Variants in UBE2D2 observed in about 807,000 individuals in gnomAD.
UBE2D2 encodes the protein ubiquitin-conjugating enzyme E2 D2.
In UBE2D2, 2 loss-of-function variants were observed where a neutral mutation model predicts 24.2. The ratio of observed to expected loss-of-function variants is 0.08; its 90% CI spans 0.03 to 0.26. The LOEUF is 0.26. Among genes scored for constraint, UBE2D2 ranks in the 10% least tolerant of loss-of-function variants. UBE2D2 has a pLI of 1.00. For synonymous variants in UBE2D2, 58 were observed against 56.5 expected (o/e 1.03, Z -0.12); for missense variants, 44 against 177.6 (o/e 0.25, Z 4.28).
chr5:139,536,866 T>C (rs1752687638), intron 1 of UBE2D2, among the ~76,000 whole-genome samples: 1 of 152,122 alleles, frequency 6.6e-6, no homozygotes, highest in South Asian at 2.1e-4. Flanking sequence ...ATACACAGTA[T>C]TATTATCATG....
intron 1 of UBE2D2, among the ~76,000 whole-genome samples, chr5:139,595,819 C>T (rs941768272): frequency 6.6e-6 from 1 of 151,548 alleles, no homozygotes; most frequent in Non-Finnish European, 1.5e-5. Context: ...CTCATTCTCA[C>T]CCCTAAGCTT....
At chr5:139,528,897 C>G (rs558728572) in intron 1 of UBE2D2, among the ~76,000 whole-genome samples, 1 of 152,260 alleles carries the variant, frequency 6.6e-6, no homozygotes, top group African/African-American at 2.4e-5. Flanking sequence ...GCTTCGCCAA[C>G]CCCTGCAAAG....
chr5:139,575,768 A>G (rs1289032030), intron 1 of UBE2D2, among the ~76,000 whole-genome samples: 1 of 152,224 alleles, frequency 6.6e-6, no homozygotes, highest in Non-Finnish European at 1.5e-5. Flanking sequence ...GCTCATGCCT[A>G]TAATCTCAGT....
chr5:139,618,654 T>C (rs533390360), intron 5 of UBE2D2, among the ~76,000 whole-genome samples: 2 of 152,260 alleles, frequency 1.3e-5, no homozygotes, highest in South Asian at 2.1e-4. Context: ...ATACCTCTTT[T>C]TGTTCTTCCC....
At chr5:139,615,744 T>A (rs1010709427) in intron 5 of UBE2D2, among the ~76,000 whole-genome samples, 2 of 152,156 alleles carry the variant, frequency 1.3e-5, no homozygotes, top group African/African-American at 4.8e-5. Context: ...GTGATGTAGT[T>A]GTTGTCTTAA....
At chr5:139,611,362 A>G (rs1171372389) in intron 2 of UBE2D2, among the ~76,000 whole-genome samples, 2 of 150,996 alleles carry the variant, frequency 1.3e-5, no homozygotes, top group Non-Finnish European at 3.0e-5. Flanking sequence ...AATTTTTTAT[A>G]TTTTCAGTAG....
intron 6 of UBE2D2, among the ~76,000 whole-genome samples, chr5:139,625,125 G>A (rs1754588242): frequency 1.4e-5 from 2 of 142,176 alleles, no homozygotes; most frequent in Non-Finnish European, 3.1e-5. Flanking sequence ...TGGCACAATC[G>A]TGGCTCACTG....
chr5:139,589,998 A>T (rs1213408673), intron 1 of UBE2D2, among the ~76,000 whole-genome samples: 1 of 151,986 alleles, frequency 6.6e-6, no homozygotes, highest in Non-Finnish European at 1.5e-5. Flanking sequence ...GTTAGTCAGG[A>T]TGGTCTTGAT....
Position 139,628,295 on chromosome 5 carries a change from T to TC in UBE2D2, c.*1500dup, listed in dbSNP as rs1326188119. The TC allele has an allele frequency of 3.3e-5, 5 of 152,572 alleles. No individual in the cohort carries two copies. Among genetic ancestry groups the TC allele is most frequent in the South Asian group, 4.1e-4 (2 of 4,826 alleles). The allele number at this position is 152,572 out of a possible 1,614,324, so 9.5% of individuals were successfully genotyped here. A position where few individuals can be genotyped will look rare whatever the true frequency, so the allele number is the denominator to read the frequency against. Reference sequence around the variant, plus strand: ...TGTGAACTAGGCAAGTTACCTTTTTTCCCCCCTTCTTTTCCTAATTGTAAA... The same window carrying TC: ...TGTGAACTAGGCAAGTTACCTTTTTTCCCCCCCTTCTTTTCCTAATTGTAAA... On this transcript the variant is annotated 3_prime_UTR_variant, in exon 7 of 7. Coordinates refer to ENST00000398733, the MANE Select transcript of UBE2D2 (RefSeq NM_003339.3).
intron 1 of UBE2D2, among the ~76,000 whole-genome samples, chr5:139,600,031 C>G (rs1754040172): frequency 6.6e-6 from 1 of 152,064 alleles, no homozygotes; most frequent in Non-Finnish European, 1.5e-5. Flanking sequence ...CTCCTGACCT[C>G]AAGTGATCTG....
intron 5 of UBE2D2, among the ~76,000 whole-genome samples, chr5:139,622,328 T>G (rs1307456020): frequency 2.0e-5 from 3 of 151,690 alleles, no homozygotes; most frequent in South Asian, 4.2e-4. Flanking sequence ...CACTGCAACC[T>G]CCACCTCCCA....
intron 6 of UBE2D2, among the ~76,000 whole-genome samples, chr5:139,625,650 G>A (rs533466538): frequency 6.6e-6 from 1 of 150,516 alleles, no homozygotes; most frequent in Non-Finnish European, 1.5e-5. Flanking sequence ...CCGTTGCCCA[G>A]GTGGAATGCA....
chr5:139,622,058 C>T (rs2126708573), intron 5 of UBE2D2, among the ~76,000 whole-genome samples: 1 of 152,260 alleles, frequency 6.6e-6, no homozygotes, highest in African/African-American at 2.4e-5. Context: ...TTGAACACGT[C>T]ACTGCACCTG....
intron 6 of UBE2D2, among the ~76,000 whole-genome samples, chr5:139,624,642 C>T (rs773852440): frequency 2.1e-4 from 32 of 152,202 alleles, no homozygotes; most frequent in Admixed American, 1.7e-3. Context: ...AAAAATTAGC[C>T]GGGCATGGTG....
At chr5:139,543,539 G>A (rs777514135) in intron 1 of UBE2D2, among the ~76,000 whole-genome samples, 12 of 152,368 alleles carry the variant, frequency 7.9e-5, no homozygotes, top group Non-Finnish European at 1.2e-4. Flanking sequence ...GCCGGAGGGC[G>A]CCAGCTGCCC....
At chr5:139,596,494 A>G (rs1039176282) in intron 1 of UBE2D2, among the ~76,000 whole-genome samples, 5 of 151,518 alleles carry the variant, frequency 3.3e-5, no homozygotes, top group Non-Finnish European at 5.9e-5. Context: ...GGGTTTCACC[A>G]TGTTGGTCAT....
chr5:139,609,522 C>T (rs574226170), intron 2 of UBE2D2, among the ~76,000 whole-genome samples: 21 of 151,738 alleles, frequency 1.4e-4, no homozygotes, highest in Non-Finnish European at 2.6e-4. Flanking sequence ...AGGCAATGCG[C>T]CACCATGCTT....
chr5:139,531,877 C>T lies in UBE2D2; in HGVS notation c.-64+5265C>T, dbSNP rs528365770. 5.9e-5 allele frequency among the ~76,000 whole-genome samples: 9 copies of T among 152,100 alleles called. No individual in the cohort carries two copies. In the South Asian group the frequency reaches 1.9e-3, roughly 32 times the overall value. On this transcript the variant is annotated intron_variant, in intron 1 of 6. Coordinates refer to the UBE2D2 transcript ENST00000511725. ...TGGAATGCACCTGTAATCCCAGCTA[C>T]TCGGGAGGCTAGGGTGGGAGGTTTG...
At chr5:139,600,727 A>G (rs1754054188) in intron 2 of UBE2D2, among the ~76,000 whole-genome samples, 1 of 152,208 alleles carries the variant, frequency 6.6e-6, no homozygotes, top group African/African-American at 2.4e-5. Context: ...ATTCTTGAGT[A>G]AGATAATACT....
Sources: allele counts gnomAD v4.1 joint callset (sites outside exome capture counted in the v4.1 genomes callset), GRCh38; gene constraint gnomAD v4.1.1; transcripts MANE v1.5; gene names NCBI Gene and HGNC (gene_info 2026-07-23, HGNC 2026-07-21).